Variants in CDH13 observed in about 807,000 individuals in gnomAD.
CDH13 encodes the protein cadherin-13.
In CDH13, 24 loss-of-function variants were observed where a neutral mutation model predicts 63.8. That is an observed-to-expected ratio of 0.38 (90% CI 0.27 to 0.53). CDH13 has a LOEUF of 0.53. Among genes scored for constraint, CDH13 ranks in the 20% least tolerant of loss-of-function variants. The pLI is 0.85. For synonymous variants in CDH13, 503 were observed against 355.3 expected (o/e 1.42, Z -4.67); for missense variants, 1,049 against 903.1 (o/e 1.16, Z -2.07).
intron 5 of CDH13, among the ~76,000 whole-genome samples, chr16:83,223,666 C>T (rs563605473): frequency 6.6e-6 from 1 of 152,208 alleles, no homozygotes; most frequent in Non-Finnish European, 1.5e-5. Context: ...TCCATCCAGT[C>T]TCACGCTGGT....
chr16:83,319,997 G>T (rs1337841255), intron 5 of CDH13, among the ~76,000 whole-genome samples: 1 of 152,144 alleles, frequency 6.6e-6, no homozygotes, highest in Non-Finnish European at 1.5e-5. Context: ...TCTGCAGCAC[G>T]TGACACAGGT....
At chr16:83,665,126 G>A (rs1199616406) in intron 8 of CDH13, among the ~76,000 whole-genome samples, 1 of 152,020 alleles carries the variant, frequency 6.6e-6, no homozygotes, top group Non-Finnish European at 1.5e-5. Context: ...TGTTGTTGGA[G>A]CATAACAAGA....
intron 5 of CDH13, among the ~76,000 whole-genome samples, chr16:83,260,097 T>A (rs376769048): frequency 4.0e-5 from 5 of 126,478 alleles, no homozygotes; most frequent in Non-Finnish European, 4.9e-5. Context: ...GTACCCCCAA[T>A]ACACACACAC....
chr16:83,762,048 C>T (rs201303259), intron 11 of CDH13, among the ~76,000 whole-genome samples: 1 of 152,054 alleles, frequency 6.6e-6, no homozygotes, highest in East Asian at 1.9e-4. Flanking sequence ...GGTGACAGAG[C>T]GAGACCCCAC....
intron 13 of CDH13, 58 bp downstream of exon 13, chr16:83,783,530 C>T (rs777727738): frequency 1.5e-5 from 20 of 1,331,068 alleles, no homozygotes; most frequent in Non-Finnish European, 1.9e-5. Flanking sequence ...TCACTGGGTT[C>T]GTGAAGCCAG....
chr16:83,282,573 A>G (rs1424699964), intron 5 of CDH13, among the ~76,000 whole-genome samples: 1 of 152,246 alleles, frequency 6.6e-6, no homozygotes, highest in Non-Finnish European at 1.5e-5. Context: ...GTTATAAAAC[A>G]AGTGACAACA....
intron 8 of CDH13, among the ~76,000 whole-genome samples, chr16:83,650,559 C>G (rs987589939): frequency 6.6e-6 from 1 of 152,128 alleles, no homozygotes; most frequent in African/African-American, 2.4e-5. Flanking sequence ...TTTTCCACAC[C>G]CCGCTGGGAC....
At chr16:83,184,127 T>C (rs9925276) in intron 4 of CDH13, among the ~76,000 whole-genome samples, 1,002 of 52,926 alleles carry the variant, frequency 0.019, 24 homozygotes, top group South Asian at 0.17. Context: ...CACACACACA[T>C]ACACACACAC....
chr16:83,203,556 G>C (rs1044169646), intron 4 of CDH13, among the ~76,000 whole-genome samples: 1 of 151,066 alleles, frequency 6.6e-6, no homozygotes, highest in Non-Finnish European at 1.5e-5. Context: ...CTGTCGTGGT[G>C]GGTGCCTGTA....
intron 1 of CDH13, among the ~76,000 whole-genome samples, chr16:82,764,445 T>C (rs188066808): frequency 1.4e-3 from 214 of 152,300 alleles, no homozygotes; most frequent in African/African-American, 4.9e-3. Context: ...AAATCTATGT[T>C]CAGAAGAGGG....
chr16:83,299,697 A>G (rs935892205), intron 5 of CDH13, among the ~76,000 whole-genome samples: 2 of 152,228 alleles, frequency 1.3e-5, no homozygotes, highest in African/African-American at 4.8e-5. Context: ...CACCTTGACC[A>G]AAAGGCTAAC....
In CDH13 at chr16:83,380,135, T is replaced by A. The variant is rs373120842; in HGVS notation, c.781+35129T>A. Among the ~76,000 whole-genome samples, 7 of 152,152 alleles carry A rather than the reference T, an allele frequency of 4.6e-5. No individual in the cohort carries two copies. In the East Asian group the frequency reaches 1.3e-3, roughly 29 times the overall value. On this transcript the variant is annotated intron_variant, in intron 6 of 13. Transcript: ENST00000567109. ...ATTCTTGCGTGAGGATGAGAGTGGT[T>A]GTCATTGGTAAAAAGGTTGAAAGTC...
intron 3 of CDH13, among the ~76,000 whole-genome samples, chr16:83,063,050 C>T: frequency 6.7e-6 from 1 of 150,282 alleles, no homozygotes; most frequent in Admixed American, 6.7e-5. Context: ...CAACCTCTGA[C>T]TTCCAGGTTC....
intron 4 of CDH13, among the ~76,000 whole-genome samples, chr16:83,177,505 T>G (rs2038177340): frequency 6.6e-6 from 1 of 152,188 alleles, no homozygotes; most frequent in South Asian, 2.1e-4. Flanking sequence ...GGAGATCTTG[T>G]AAGTTGGAGA....
intron 6 of CDH13, among the ~76,000 whole-genome samples, chr16:83,485,786 C>T (rs896000924): frequency 3.9e-5 from 6 of 152,110 alleles, no homozygotes; most frequent in African/African-American, 1.4e-4. Context: ...CAGGAGCATG[C>T]CTCTTTGTAC....
intron 8 of CDH13, among the ~76,000 whole-genome samples, chr16:83,611,867 G>A (rs1327319911): frequency 6.6e-6 from 1 of 151,924 alleles, no homozygotes; most frequent in East Asian, 1.9e-4. Context: ...ATTCTACAGT[G>A]GTTAGAAAGC....
At chr16:83,111,534 T>C (rs909215492) in intron 3 of CDH13, among the ~76,000 whole-genome samples, 2 of 152,088 alleles carry the variant, frequency 1.3e-5, no homozygotes, top group African/African-American at 2.4e-5. Context: ...TGGGAGAGAG[T>C]TGCTGACTCT....
chr16:83,535,466 G>A (rs1027235574), intron 7 of CDH13, among the ~76,000 whole-genome samples: 4 of 152,202 alleles, frequency 2.6e-5, no homozygotes, highest in African/African-American at 9.6e-5. Flanking sequence ...GGTGAGAGGT[G>A]GCCAAGGCAA....
chr16:83,196,932 C>G (rs945635651), intron 4 of CDH13, among the ~76,000 whole-genome samples: 5 of 152,142 alleles, frequency 3.3e-5, no homozygotes, highest in African/African-American at 1.2e-4. Context: ...AGCAATTGCA[C>G]TCCTAGGCGT....
Sources: allele counts gnomAD v4.1 joint callset (sites outside exome capture counted in the v4.1 genomes callset), GRCh38; gene constraint gnomAD v4.1.1; transcripts MANE v1.5; gene names NCBI Gene and HGNC (gene_info 2026-07-23, HGNC 2026-07-21).